The following UNC79 variants were observed in gnomAD, a reference collection of about 807,000 sequenced individuals.
UNC79 encodes the protein unc-79 subunit of NALCN channel complex, also known as protein unc-79 homolog.
In UNC79, 37 loss-of-function variants were observed where a neutral mutation model predicts 283.1. The ratio of observed to expected loss-of-function variants is 0.13; its 90% CI spans 0.10 to 0.17. The LOEUF is 0.17. Among genes scored for constraint, UNC79 ranks in the 10% least tolerant of loss-of-function variants. The pLI is 1.00. For missense variants in UNC79, 2,272 were observed against 3,211.1 expected (o/e 0.71, Z 7.07); for synonymous variants, 1,107 against 1,200.2 (o/e 0.92, Z 1.61).
intron 30 of UNC79, among the ~76,000 whole-genome samples, chr14:93,624,658 A>G (rs749426047): frequency 9.2e-5 from 14 of 152,228 alleles, no homozygotes; most frequent in Non-Finnish European, 1.9e-4. Context: ...TAGTTATAAC[A>G]TGTCTTTAAA....
intron 13 of UNC79, among the ~76,000 whole-genome samples, chr14:93,541,148 A>G (rs1169449159): frequency 6.6e-6 from 1 of 152,214 alleles, no homozygotes; most frequent in Non-Finnish European, 1.5e-5. Flanking sequence ...CAAGTCGGGA[A>G]GTTGCTAGTA....
chr14:93,639,686 T>C (rs2068844772), intron 32 of UNC79, among the ~76,000 whole-genome samples: 1 of 152,262 alleles, frequency 6.6e-6, no homozygotes, highest in African/African-American at 2.4e-5. Context: ...TTGCAAATGT[T>C]CTTCTTATAC....
At chr14:93,493,262 A>G (rs1468525512) in intron 5 of UNC79, among the ~76,000 whole-genome samples, 1 of 152,168 alleles carries the variant, frequency 6.6e-6, no homozygotes, top group African/African-American at 2.4e-5. Flanking sequence ...CTGAAGGATC[A>G]GTGTAGCTGG....
chr14:93,456,792 T>A (rs2056807655), intron 1 of UNC79, among the ~76,000 whole-genome samples: 1 of 152,192 alleles, frequency 6.6e-6, no homozygotes, highest in African/African-American at 2.4e-5. Flanking sequence ...CCTATAACCA[T>A]GAGGCCATGC....
chr14:93,368,121 A>G (rs2054370880), intron 1 of UNC79, among the ~76,000 whole-genome samples: 1 of 152,136 alleles, frequency 6.6e-6, no homozygotes, highest in East Asian at 1.9e-4. Flanking sequence ...AGTTTTGTTC[A>G]TTTTGCAGTC....
intron 1 of UNC79, among the ~76,000 whole-genome samples, chr14:93,395,856 T>A (rs772727730): frequency 6.6e-6 from 1 of 152,196 alleles, no homozygotes; most frequent in Non-Finnish European, 1.5e-5. Flanking sequence ...TTTGACAGTT[T>A]GAATATCTAG....
intron 48 of UNC79, among the ~76,000 whole-genome samples, chr14:93,705,643 C>A (rs1200210295): frequency 1.3e-5 from 2 of 152,250 alleles, no homozygotes; most frequent in Admixed American, 1.3e-4. Flanking sequence ...TTTGCCTTGA[C>A]TGGCGCTTTG....
chr14:93,703,936 G>A (rs759637994), intron 47 of UNC79, among the ~76,000 whole-genome samples: 8 of 152,136 alleles, frequency 5.3e-5, no homozygotes, highest in East Asian at 3.8e-4. Context: ...ACTGAAACAC[G>A]GAGGAGGGCC....
intron 1 of UNC79, among the ~76,000 whole-genome samples, chr14:93,455,027 A>G (rs1278130156): frequency 6.6e-6 from 1 of 152,174 alleles, no homozygotes; most frequent in Non-Finnish European, 1.5e-5. Flanking sequence ...TTCTTTGCTG[A>G]CTTCCCCTGT....
intron 34 of UNC79, among the ~76,000 whole-genome samples, chr14:93,645,045 A>C (rs1219224260): frequency 6.6e-6 from 1 of 152,220 alleles, no homozygotes; most frequent in East Asian, 1.9e-4. Flanking sequence ...AGCTATCAGC[A>C]ATACTTGGGG....
intron 7 of UNC79, among the ~76,000 whole-genome samples, chr14:93,504,905 C>T (rs2059454052): frequency 6.6e-6 from 1 of 151,990 alleles, no homozygotes; most frequent in East Asian, 1.9e-4. Context: ...AAATCCTGTG[C>T]TATGCTGATT....
intron 43 of UNC79, 87 bp downstream of exon 46, chr14:93,686,748 C>A: frequency 1.4e-6 from 2 of 1,464,580 alleles, no homozygotes; most frequent in Non-Finnish European, 1.9e-6. Context: ...GAACTTATCG[C>A]TACCTGGGGA....
In UNC79 at chr14:93,531,072, T is replaced by G. The variant is rs1341260578; in HGVS notation, c.1094-1478T>G. On this transcript the variant is annotated intron_variant, in intron 10 of 48. Coordinates refer to ENST00000555664, the Ensembl canonical transcript of UNC79. This position sits in a 1 kb window ranked among gnomAD's most constrained non-coding sequence, Gnocchi z 4.2. ...TAAAAGCCATAGTCAAGTTATAAAA[T>G]ATAAGTTATAAAATCCTTTTTAAAT... Among the ~76,000 whole-genome samples the G allele has an allele frequency of 6.6e-6, 1 of 152,230 alleles. No homozygotes were observed.
chr14:93,633,559 CAG>C (rs2068227111), intron 31 of UNC79, among the ~76,000 whole-genome samples: 1 of 152,170 alleles, frequency 6.6e-6, no homozygotes, highest in African/African-American at 2.4e-5. Flanking sequence ...TCTTATAACA[CAG>C]AGAATAACCA....
At chr14:93,634,826 C>T (rs1359878417) in intron 31 of UNC79, among the ~76,000 whole-genome samples, 189 bp downstream of exon 34, 5 of 152,186 alleles carry the variant, frequency 3.3e-5, no homozygotes, top group Admixed American at 3.3e-4. Flanking sequence ...GTGACACGCT[C>T]TTCCGTTGAG....
At chr14:93,448,166 C>T (rs1462352834) in intron 1 of UNC79, among the ~76,000 whole-genome samples, 4 of 149,374 alleles carry the variant, frequency 2.7e-5, no homozygotes, top group Non-Finnish European at 5.9e-5. Flanking sequence ...CTCTGAGACT[C>T]GGTTCTTTTT....
At chr14:93,608,970 G>C (rs1258520713) in intron 26 of UNC79, among the ~76,000 whole-genome samples, 1 of 152,178 alleles carries the variant, frequency 6.6e-6, no homozygotes, top group Non-Finnish European at 1.5e-5. Context: ...GTTCTTATTG[G>C]AGTATTAAGG....
chr14:93,385,022 T>C (rs987016389), intron 1 of UNC79, among the ~76,000 whole-genome samples: 1 of 152,246 alleles, frequency 6.6e-6, no homozygotes, highest in African/African-American at 2.4e-5. Context: ...AGGTTCTCTC[T>C]TCTATTCCAC....
At chr14:93,517,143 T>C (rs956887501) in intron 7 of UNC79, among the ~76,000 whole-genome samples, 4 of 145,770 alleles carry the variant, frequency 2.7e-5, no homozygotes, top group Non-Finnish European at 6.3e-5. Flanking sequence ...TTCTTTCTAA[T>C]TTGTATGCCT....
Sources: gnomAD v4.1 joint callset for allele counts (sites outside exome capture counted in the v4.1 genomes callset) on GRCh38, gnomAD v4.1.1 for gene constraint, Gnocchi (gnomAD v3.1) non-coding constraint, MANE v1.5 for transcripts, NCBI Gene and HGNC (gene_info 2026-07-23, HGNC 2026-07-21) for gene names.